Variants in CUL4A observed in about 807,000 individuals in gnomAD.
CUL4A encodes the protein cullin 4A.
A neutral mutation model predicts 95.5 loss-of-function variants in CUL4A; 16 were observed. That is an observed-to-expected ratio of 0.17 (90% CI 0.11 to 0.25). The LOEUF (loss-of-function observed/expected upper bound fraction) is 0.25, where lower values mean the gene tolerates loss of function less well. Ranked by LOEUF, CUL4A falls within the 10% of genes least tolerant of loss-of-function variation. The probability of loss-of-function intolerance (pLI) is 1.00; values close to 1 mark genes in which losing one functional copy is unlikely to be tolerated. For synonymous variants in CUL4A, 380 were observed against 353.1 expected (o/e 1.08, Z -0.85); for missense variants, 610 against 937.0 (o/e 0.65, Z 4.56).
In CUL4A at chr13:113,260,654, A is replaced by G. The variant is rs773286032; in HGVS notation, c.2079A>G (p.Gln693=). 4 of 1,613,422 alleles carry G rather than the reference A, an allele frequency of 2.5e-6. No homozygotes were observed. Among genetic ancestry groups the G allele is most frequent in the Non-Finnish European group, 3.4e-6 (4 of 1,179,660 alleles). The change falls in exon 19 of 20, where the codon CAA becomes CAG. Residue 693 remains glutamine (Q), a synonymous_variant. Coordinates refer to ENST00000375440, the MANE Select transcript of CUL4A (RefSeq NM_001008895.4). ...CTGAGAGAGTGTTTCAGGATAGACA[A>G]TATCAGATTGATGCTGCTATCGTCA... is the stretch of plus-strand genomic sequence containing the variant. ...STTERVFQDR[Q]YQIDAAIVRI... is the part of the protein sequence containing the mutation.
intron 6 of CUL4A, among the ~76,000 whole-genome samples, chr13:113,233,665 CAA>C (rs766016808): frequency 3.2e-4 from 49 of 152,140 alleles, no homozygotes; most frequent in Non-Finnish European, 6.8e-4. Flanking sequence ...ACACAAAAGA[CAA>C]AGGGCGAAGT....
At chr13:113,229,196 G>GA (rs894349269) in intron 4 of CUL4A, among the ~76,000 whole-genome samples, 17 of 150,728 alleles carry the variant, frequency 1.1e-4, no homozygotes, top group Admixed American at 4.6e-4. Context: ...TCTTTAAAAA[G>GA]AAAAAAAAGA....
At chr13:113,208,252 G>A (rs1177741081), upstream of CUL4A, 2 of 1,439,748 alleles carry the variant, frequency 1.4e-6, no homozygotes, top group Non-Finnish European at 1.8e-6. Context: ...CCCACAGCGG[G>A]CCCTCGGCGT....
chr13:113,260,136 G>A (rs1177867287), intron 18 of CUL4A, among the ~76,000 whole-genome samples: 12 of 138,120 alleles, frequency 8.7e-5, no homozygotes, highest in East Asian at 2.3e-4. Flanking sequence ...CCCGGGGGGC[G>A]GAGCTTGTAG....
At chr13:113,233,065 A>G in intron 5 of CUL4A, 112 bp from the exon 6 acceptor site, 1 of 1,137,202 alleles carries the variant, frequency 8.8e-7, no homozygotes, top group South Asian at 1.6e-5. Flanking sequence ...AGATGTAGAG[A>G]ATTAGCAACT....
intron 2 of CUL4A, among the ~76,000 whole-genome samples, chr13:113,216,003 G>A (rs1428134136): frequency 6.8e-6 from 1 of 147,882 alleles, no homozygotes; most frequent in Non-Finnish European, 1.5e-5. Flanking sequence ...CACGTCCCAT[G>A]GTCCCATGTG....
At chr13:113,228,495 T>A (rs1216399166) in intron 4 of CUL4A, among the ~76,000 whole-genome samples, 1 of 152,078 alleles carries the variant, frequency 6.6e-6, no homozygotes, top group Non-Finnish European at 1.5e-5. Context: ...CTTTCCTAAG[T>A]AGGTTGAAAT....
chr13:113,223,428 C>T (rs1169126760), intron 3 of CUL4A, among the ~76,000 whole-genome samples: 1 of 152,178 alleles, frequency 6.6e-6, no homozygotes, highest in Admixed American at 6.5e-5. Flanking sequence ...GAGTTTCGCT[C>T]TTAATTGCCC....
intron 9 of CUL4A, 102 bp from the exon 10 acceptor site, chr13:113,239,331 T>G (rs766900281): frequency 2.9e-5 from 29 of 996,494 alleles, no homozygotes; most frequent in Non-Finnish European, 4.6e-5. Context: ...GCCCAATTTC[T>G]AAGCGGTGTA....
intron 2 of CUL4A, among the ~76,000 whole-genome samples, chr13:113,213,526 A>G (rs1434151818): frequency 6.6e-6 from 1 of 152,250 alleles, no homozygotes; most frequent in Admixed American, 6.5e-5. Context: ...TTGGTTTAAT[A>G]AAATATGATA....
At position 113,266,320 on chromosome 13, in the gene CUL4A, G is replaced by A. The variant is rs976785125; in HGVS notation, c.*2738G>A. 6.6e-6 allele frequency: 1 copy of A among 152,150 alleles called. No individual in the cohort carries two copies. The highest frequency in any genetic ancestry group is 2.4e-5 in the African/African-American group (1 of 41,414). 9.4% of individuals were successfully genotyped at this position (152,150 alleles called of 1,614,324 possible). A position where few individuals can be genotyped will look rare whatever the true frequency, so the allele number is the denominator to read the frequency against. ...AGGCATGAGACACTGCACCTGACCA[G>A]AAGTCATTTTTTCAATAGCAACCCC... On this transcript the variant is annotated 3_prime_UTR_variant, in exon 20 of 20. Transcript: ENST00000375440.
chr13:113,222,027 C>T (rs1399652828), intron 3 of CUL4A, among the ~76,000 whole-genome samples: 3 of 152,174 alleles, frequency 2.0e-5, no homozygotes, highest in Non-Finnish European at 4.4e-5. Context: ...CTGTGGGATG[C>T]CAAGGTGGCA....
chr13:113,212,859 C>A (rs2040502236), intron 2 of CUL4A, among the ~76,000 whole-genome samples: 1 of 152,168 alleles, frequency 6.6e-6, no homozygotes, highest in Admixed American at 6.5e-5. Flanking sequence ...TTTTCCCCTA[C>A]TGAATTGCCT....
intron 2 of CUL4A, among the ~76,000 whole-genome samples, chr13:113,210,425 C>T (rs180754604): frequency 6.6e-6 from 1 of 152,190 alleles, no homozygotes; most frequent in Non-Finnish European, 1.5e-5. Flanking sequence ...GACTGTGTCA[C>T]TTGCCACAGT....
intron 15 of CUL4A, among the ~76,000 whole-genome samples, chr13:113,247,331 G>A (rs536010453): frequency 3.3e-5 from 5 of 152,348 alleles, no homozygotes; most frequent in African/African-American, 1.2e-4. Flanking sequence ...CAGTAGTAGA[G>A]TAGCGGGGAA....
chr13:113,243,745 T>C (rs970655838), intron 11 of CUL4A, among the ~76,000 whole-genome samples: 1 of 151,992 alleles, frequency 6.6e-6, no homozygotes, highest in African/African-American at 2.4e-5. Flanking sequence ...CATTACAAAA[T>C]GTTTAAAAGA....
intron 9 of CUL4A, 42 bp from the exon 10 acceptor site, chr13:113,239,391 C>A: frequency 6.6e-7 from 1 of 1,507,636 alleles, no homozygotes; most frequent in Non-Finnish European, 9.2e-7. Context: ...GTTGTTAATG[C>A]TGCCCATGCT....
chr13:113,253,052 A>G (rs886079905), intron 15 of CUL4A, 30 bp from the exon 16 acceptor site: 1 of 1,167,114 alleles, frequency 8.6e-7, no homozygotes, highest in Middle Eastern at 1.9e-4. Context: ...GGTGTGTGGC[A>G]TAATTTTGTT....
At chr13:113,220,338 G>A (rs1469921221) in intron 3 of CUL4A, among the ~76,000 whole-genome samples, 1 of 152,224 alleles carries the variant, frequency 6.6e-6, no homozygotes, top group East Asian at 1.9e-4. Flanking sequence ...CGCCTCTGCA[G>A]TGTTTTCCAG....
Sources: allele counts gnomAD v4.1 joint callset (sites outside exome capture counted in the v4.1 genomes callset), GRCh38; gene constraint gnomAD v4.1.1; transcripts MANE v1.5; gene names NCBI Gene and HGNC (gene_info 2026-07-23, HGNC 2026-07-21).